Variants in COL4A1 observed in about 807,000 individuals in gnomAD.
COL4A1 encodes the protein collagen alpha-1(IV) chain.
Under a neutral mutation model 216.6 loss-of-function variants are expected in COL4A1, and 40 were observed. The observed-to-expected ratio is 0.18, with a 90% CI of 0.14 to 0.24. COL4A1 has a LOEUF of 0.24. Among genes scored for constraint, COL4A1 ranks in the 10% least tolerant of loss-of-function variants. The pLI is 1.00. For missense variants in COL4A1, 1,628 were observed against 2,196.8 expected (o/e 0.74, Z 5.18); for synonymous variants, 839 against 810.7 (o/e 1.03, Z -0.59).
rs1881614458 is a variant in COL4A1, at chr13:110,242,577, G to C, written c.144+98C>G. The C allele has an allele frequency of 4.2e-5, 56 of 1,339,206 alleles. No homozygotes were observed. In the South Asian group the frequency reaches 5.5e-4, roughly 13 times the overall value. The allele number at this position is 1,339,206 out of a possible 1,614,324, so 83.0% of individuals were successfully genotyped here. On this transcript the variant is annotated intron_variant, in intron 2 of 51. Transcript: ENST00000375820. ...GGGGAAATTATCAAAACAGTAATAAGGCTTTCACCTGAATTGCTGATTATT... is the reference window on the plus strand; with the variant it reads ...GGGGAAATTATCAAAACAGTAATAACGCTTTCACCTGAATTGCTGATTATT...
intron 42 of COL4A1, 127 bp downstream of exon 42, chr13:110,170,420 T>A (rs1352099388): frequency 3.9e-6 from 4 of 1,016,060 alleles, no homozygotes; most frequent in Non-Finnish European, 5.8e-6. Context: ...AATTTCAAGC[T>A]GTAATAAATG....
At chr13:110,166,371 T>TC in intron 44 of COL4A1, 68 bp from the exon 45 acceptor site, 2 of 976,590 alleles carry the variant, frequency 2.0e-6, no homozygotes, top group Non-Finnish European at 3.3e-6. Context: ...TGTGTGTATA[T>TC]ATCTCTCTCT....
chr13:110,204,028 G>A (rs1271425086), intron 17 of COL4A1, among the ~76,000 whole-genome samples: 3 of 152,160 alleles, frequency 2.0e-5, no homozygotes, highest in Non-Finnish European at 4.4e-5. Flanking sequence ...CATTTTATAT[G>A]ATGTTTTTAG....
chr13:110,195,999 C>T (rs145893792), intron 21 of COL4A1, among the ~76,000 whole-genome samples: 2 of 152,228 alleles, frequency 1.3e-5, no homozygotes, highest in African/African-American at 2.4e-5. Flanking sequence ...GCTGTGGGGC[C>T]CTCCCTCGGG....
chr13:110,253,122 TGTATTATATATACATATAACTATATGTAC>T lies in COL4A1; in HGVS notation c.85-10417_85-10389del, dbSNP rs1566417395. 2.1e-3 allele frequency among the ~76,000 whole-genome samples: 267 copies of T among 127,436 alleles called. 17 individuals carry two copies. Among genetic ancestry groups the T allele is most frequent in the African/African-American group, 5.4e-3 (180 of 33,112 alleles). The allele number at this position is 127,436 out of a possible 152,430, so 83.6% of individuals were successfully genotyped here. A position where few individuals can be genotyped will look rare whatever the true frequency, so the allele number is the denominator to read the frequency against. On this transcript the variant is annotated intron_variant, in intron 1 of 51. Transcript: ENST00000375820. ...ATATACATATAACTATATGTACGTA[TGTATTATATATACATATAACTATATGTAC>T]GTATTATATATACATATAACTATAT...
chr13:110,305,627 A>G (rs1884664001), intron 1 of COL4A1, among the ~76,000 whole-genome samples: 1 of 152,246 alleles, frequency 6.6e-6, no homozygotes, highest in Admixed American at 6.5e-5. Context: ...TGTCATCATT[A>G]CCAAAGAGTG....
At chr13:110,300,454 C>T (rs900084903) in intron 1 of COL4A1, among the ~76,000 whole-genome samples, 2 of 152,222 alleles carry the variant, frequency 1.3e-5, no homozygotes, top group African/African-American at 4.8e-5. Flanking sequence ...AAGGAATATC[C>T]TTGTTTTCTA....
chr13:110,171,833 T>C (rs1877656368), intron 41 of COL4A1, among the ~76,000 whole-genome samples: 1 of 152,186 alleles, frequency 6.6e-6, no homozygotes, highest in South Asian at 2.1e-4. Context: ...GCAGGTGCAT[T>C]TGCAAGGGGC....
intron 2 of COL4A1, among the ~76,000 whole-genome samples, chr13:110,233,395 G>A (rs1187261677): frequency 6.6e-6 from 1 of 152,174 alleles, no homozygotes; most frequent in Admixed American, 6.5e-5. Context: ...GCCAACGGGA[G>A]GGGAGGGAAG....
At chr13:110,265,246 C>T (rs775927841) in intron 1 of COL4A1, 2 of 152,188 alleles carry the variant, frequency 1.3e-5, no homozygotes, top group Non-Finnish European at 2.9e-5. Flanking sequence ...AGGAAAGCGC[C>T]GACTGCAATA....
At chr13:110,191,209 G>A (rs533494465) in intron 24 of COL4A1, 31 of 153,420 alleles carry the variant, frequency 2.0e-4, no homozygotes, top group African/African-American at 7.0e-4. Context: ...AATGATTGCT[G>A]AATTCCAGCT....
chr13:110,192,156 G>T, intron 24 of COL4A1, 58 bp downstream of exon 24: 1 of 1,550,010 alleles, frequency 6.5e-7, no homozygotes, highest in East Asian at 2.2e-5. Context: ...ACACAACTCT[G>T]TCCACGTGCT....
At chr13:110,232,054 C>T (rs1274322831) in intron 2 of COL4A1, among the ~76,000 whole-genome samples, 2 of 152,216 alleles carry the variant, frequency 1.3e-5, no homozygotes, top group Non-Finnish European at 2.9e-5. Flanking sequence ...CTTCTGATTT[C>T]ACTACAGCTT....
chr13:110,246,871 C>T (rs960996801), intron 1 of COL4A1, among the ~76,000 whole-genome samples: 27 of 152,108 alleles, frequency 1.8e-4, no homozygotes, highest in Admixed American at 1.4e-3. Flanking sequence ...TCCTGTGAGG[C>T]ACACACTTAA....
intron 1 of COL4A1, among the ~76,000 whole-genome samples, chr13:110,247,966 T>C (rs1881903614): frequency 6.6e-6 from 1 of 152,060 alleles, no homozygotes; most frequent in African/African-American, 2.4e-5. Context: ...TTTCTGATTT[T>C]TTTTCCTGCT....
intron 37 of COL4A1, 41 bp from the exon 38 acceptor site, chr13:110,174,790 A>ATGGGCATGCATCTG: frequency 2.5e-6 from 4 of 1,587,644 alleles, no homozygotes; most frequent in Non-Finnish European, 3.5e-6. Context: ...ACATTTGTCC[A>ATGGGCATGCATCTG]TGGGCATGCA....
intron 1 of COL4A1, among the ~76,000 whole-genome samples, chr13:110,293,316 A>C (rs1316390320): frequency 6.6e-6 from 1 of 152,218 alleles, no homozygotes; most frequent in Non-Finnish European, 1.5e-5. Flanking sequence ...CCCAGGGAAG[A>C]GTCAGTAAAA....
chr13:110,205,739 T>C (rs186327210), intron 15 of COL4A1, among the ~76,000 whole-genome samples: 10 of 152,126 alleles, frequency 6.6e-5, no homozygotes, highest in South Asian at 2.1e-4. Flanking sequence ...GGCAGGTACC[T>C]GTAGTCCCAC....
At chr13:110,157,035 A>C (rs9521623) in intron 49 of COL4A1, among the ~76,000 whole-genome samples, 31,265 of 152,138 alleles carry the variant, frequency 0.21, 3,378 homozygotes, top group East Asian at 0.44. Context: ...TACAGCCTGG[A>C]GGGAAGGGTT....
Sources: gnomAD v4.1 joint callset for allele counts (sites outside exome capture counted in the v4.1 genomes callset) on GRCh38, gnomAD v4.1.1 for gene constraint, MANE v1.5 for transcripts, NCBI Gene and HGNC (gene_info 2026-07-23, HGNC 2026-07-21) for gene names.